The following CLNK variants were observed in gnomAD, a reference collection of about 807,000 sequenced individuals.
CLNK encodes the protein cytokine dependent hematopoietic cell linker.
In CLNK, 74 loss-of-function variants were observed where a neutral mutation model predicts 68.6. The observed-to-expected ratio is 1.08, with a 90% CI of 0.89 to 1.31. CLNK has a LOEUF of 1.31. CLNK is among the 50% of genes most tolerant of loss of function. The pLI is 0.00. For missense variants in CLNK, 553 were observed against 515.3 expected (o/e 1.07, Z -0.71); for synonymous variants, 198 against 172.2 (o/e 1.15, Z -1.17).
chr4:10,719,293 A>T, the CLNK span, among the ~76,000 whole-genome samples: 63 of 152,278 alleles, frequency 4.1e-4, 1 homozygote, highest in East Asian at 0.011. Flanking sequence ...CTATATGCTT[A>T]CTAAAAGAAA....
chr4:10,729,300 T>G, the CLNK span, among the ~76,000 whole-genome samples: 1 of 152,194 alleles, frequency 6.6e-6, no homozygotes, highest in African/African-American at 2.4e-5. Flanking sequence ...AAGGGAAGTC[T>G]TATATACTGT....
chr4:10,563,070 C>A (rs149318167), intron 7 of CLNK, among the ~76,000 whole-genome samples: 29 of 152,316 alleles, frequency 1.9e-4, no homozygotes, highest in African/African-American at 6.0e-4. Flanking sequence ...ACTCGTCTTG[C>A]TCCTTCAGTC....
At chr4:10,508,166 A>T (rs1717392475) in intron 16 of CLNK, 130 bp from the exon 17 acceptor site, 1 of 640,904 alleles carries the variant, frequency 1.6e-6, no homozygotes, top group Non-Finnish European at 2.6e-6. Context: ...GATATTCAGT[A>T]CCTAACATTT....
chr4:10,487,071 TA>T lies in CLNK; in HGVS notation c.*3395del, dbSNP rs1232912201. 4 of 152,234 alleles carry T rather than the reference TA, an allele frequency of 2.6e-5. No homozygotes were observed. The highest frequency in any genetic ancestry group is 2.6e-4 in the Admixed American group (4 of 15,288). 9.4% of individuals were successfully genotyped at this position (152,234 alleles called of 1,614,324 possible). A position where few individuals can be genotyped will look rare whatever the true frequency, so the allele number is the denominator to read the frequency against. ...TAGTCCAAAAAATATCTGGAAAGCA[TA>T]AATGCTGTAATTGGATAAAGCTAAA... On this transcript the variant is annotated 3_prime_UTR_variant, in exon 19 of 19. Transcript: ENST00000226951.
the CLNK span, among the ~76,000 whole-genome samples, chr4:10,703,561 G>C: frequency 7.9e-5 from 12 of 152,246 alleles, 1 homozygote; most frequent in South Asian, 2.5e-3. Context: ...TTAGAGAGCA[G>C]AATCTTTTCT....
intron 2 of CLNK, among the ~76,000 whole-genome samples, chr4:10,652,043 G>A (rs541148479): frequency 1.3e-5 from 2 of 151,942 alleles, no homozygotes; most frequent in African/African-American, 4.8e-5. Context: ...AGAGATAAAT[G>A]TCAGTAATTT....
chr4:10,723,170 G>A, the CLNK span, among the ~76,000 whole-genome samples: 15 of 152,204 alleles, frequency 9.9e-5, no homozygotes, highest in African/African-American at 3.4e-4. Context: ...CAAATGAAGA[G>A]GATGTTTCCT....
intron 11 of CLNK, among the ~76,000 whole-genome samples, chr4:10,536,210 G>A (rs1202978832): frequency 6.6e-6 from 1 of 152,142 alleles, no homozygotes; most frequent in African/African-American, 2.4e-5. Context: ...GTAAATCATG[G>A]CTTCTGCCTT....
intron 4 of CLNK, among the ~76,000 whole-genome samples, chr4:10,583,245 G>A (rs562274484): frequency 2.0e-5 from 3 of 152,214 alleles, no homozygotes; most frequent in African/African-American, 7.2e-5. Flanking sequence ...AGTATGCATA[G>A]GTCTGCTGGG....
At chr4:10,515,847 G>T (rs893096327) in intron 15 of CLNK, among the ~76,000 whole-genome samples, 1 of 152,142 alleles carries the variant, frequency 6.6e-6, no homozygotes, top group Non-Finnish European at 1.5e-5. Context: ...ATGCTGCACA[G>T]TCCTGCCTGG....
At chr4:10,623,730 C>T (rs1433343156) in intron 2 of CLNK, among the ~76,000 whole-genome samples, 1 of 152,194 alleles carries the variant, frequency 6.6e-6, no homozygotes, top group African/African-American at 2.4e-5. Context: ...TGTAGGGACT[C>T]CTTGTTTAGA....
chr4:10,531,433 T>A (rs1718533217), intron 12 of CLNK: 1 of 153,484 alleles, frequency 6.5e-6, no homozygotes, highest in Admixed American at 6.5e-5. Flanking sequence ...TTTTTATTTA[T>A]TTAATTAATT....
At chr4:10,653,203 TA>T (rs1332985335) in intron 2 of CLNK, among the ~76,000 whole-genome samples, 2 of 151,704 alleles carry the variant, frequency 1.3e-5, no homozygotes, top group Admixed American at 1.3e-4. Context: ...GATGGGGGGC[TA>T]GGGGAGGGAT....
chr4:10,730,094 G>A, the CLNK span, among the ~76,000 whole-genome samples: 1 of 152,188 alleles, frequency 6.6e-6, no homozygotes, highest in African/African-American at 2.4e-5. Context: ...CAGTGGCTGT[G>A]TTGGCAGTGG....
intron 1 of CLNK, among the ~76,000 whole-genome samples, chr4:10,676,819 C>A (rs1560275277): frequency 6.6e-6 from 1 of 151,892 alleles, no homozygotes; most frequent in Admixed American, 6.6e-5. Context: ...TCCTTCTCCT[C>A]CTTCTTTTTT....
intron 2 of CLNK, among the ~76,000 whole-genome samples, chr4:10,632,260 C>T (rs1722921176): frequency 6.6e-6 from 1 of 152,186 alleles, no homozygotes; most frequent in Non-Finnish European, 1.5e-5. Context: ...GGAGATTTTC[C>T]CTCCAAACTA....
intron 2 of CLNK, among the ~76,000 whole-genome samples, chr4:10,655,024 C>A (rs1270613680): frequency 6.7e-6 from 1 of 149,234 alleles, no homozygotes; most frequent in Non-Finnish European, 1.5e-5. Context: ...TGGCGTGAAT[C>A]CAGGAGGCTG....
chr4:10,706,925 G>A, the CLNK span, among the ~76,000 whole-genome samples: 2 of 152,134 alleles, frequency 1.3e-5, no homozygotes, highest in Admixed American at 6.6e-5. Context: ...TGCCTCATCA[G>A]ACCCCCCTCC....
the CLNK span, among the ~76,000 whole-genome samples, chr4:10,707,745 G>T: frequency 6.6e-6 from 1 of 152,126 alleles, no homozygotes; most frequent in Non-Finnish European, 1.5e-5. Flanking sequence ...CCCTTCTTGT[G>T]CCAGGGAATC....
Sources: gnomAD v4.1 joint callset for allele counts (sites outside exome capture counted in the v4.1 genomes callset) on GRCh38, gnomAD v4.1.1 for gene constraint, MANE v1.5 for transcripts, NCBI Gene and HGNC (gene_info 2026-07-23, HGNC 2026-07-21) for gene names.